Variants in TCERG1L observed in about 807,000 individuals in gnomAD.
The protein encoded by TCERG1L is transcription elongation regulator 1 like, also known as transcription elongation regulator 1-like protein.
TCERG1L carries 37 observed loss-of-function variants against 56.3 expected under a neutral mutation model. The observed-to-expected ratio is 0.66, with a 90% CI of 0.51 to 0.87. TCERG1L has a LOEUF of 0.87. TCERG1L is among the 40% of genes least tolerant of loss of function. The pLI is 0.00. For missense variants in TCERG1L, 799 were observed against 774.2 expected (o/e 1.03, Z -0.38); for synonymous variants, 324 against 326.3 (o/e 0.99, Z 0.08).
chr10:131,191,650 A>C (rs1845302577), intron 4 of TCERG1L, among the ~76,000 whole-genome samples: 1 of 142,462 alleles, frequency 7.0e-6, no homozygotes, highest in African/African-American at 2.7e-5. Context: ...GGCAAGCCAC[A>C]TGTAGAAGAA....
At chr10:131,123,735 A>AC (rs55875996) in intron 8 of TCERG1L, among the ~76,000 whole-genome samples, 3,446 of 152,200 alleles carry the variant, frequency 0.023, 103 homozygotes, top group East Asian at 0.1. Flanking sequence ...GAGTGCAGAG[A>AC]CAACTCTGGT....
intron 4 of TCERG1L, among the ~76,000 whole-genome samples, chr10:131,185,700 C>A (rs1240200144): frequency 6.6e-6 from 1 of 151,990 alleles, no homozygotes; most frequent in African/African-American, 2.4e-5. Context: ...ACATTAAACT[C>A]ACTAGAAAGG....
At chr10:131,237,084 C>T (rs978702211) in intron 4 of TCERG1L, among the ~76,000 whole-genome samples, 3 of 152,018 alleles carry the variant, frequency 2.0e-5, no homozygotes, top group African/African-American at 7.2e-5. Flanking sequence ...CATGCCCTGC[C>T]GCTGCCCCTC....
intron 9 of TCERG1L, among the ~76,000 whole-genome samples, chr10:131,108,001 C>T (rs1454844508): frequency 6.8e-6 from 1 of 147,888 alleles, no homozygotes; most frequent in Admixed American, 6.7e-5. Context: ...AGTACCACTA[C>T]CACCACCAAG....
At chr10:131,263,079 T>C (rs369607428) in intron 3 of TCERG1L, among the ~76,000 whole-genome samples, 2 of 152,174 alleles carry the variant, frequency 1.3e-5, no homozygotes, top group South Asian at 2.1e-4. Flanking sequence ...TTGGATTTTA[T>C]GGTAAGAGTG....
chr10:131,280,094 C>CCCAG (rs1166723113), intron 3 of TCERG1L, among the ~76,000 whole-genome samples: 3 of 152,174 alleles, frequency 2.0e-5, no homozygotes, highest in Admixed American at 6.5e-5. Flanking sequence ...GTGACATGTG[C>CCCAG]CCAGGGTGGT....
intron 10 of TCERG1L, among the ~76,000 whole-genome samples, chr10:131,099,420 T>C (rs1267950401): frequency 6.6e-6 from 1 of 152,168 alleles, no homozygotes; most frequent in Non-Finnish European, 1.5e-5. Flanking sequence ...TCAAGAACGT[T>C]AAAAATAAAC....
chr10:131,299,407 T>C (rs1006082366), intron 3 of TCERG1L, among the ~76,000 whole-genome samples: 1 of 151,634 alleles, frequency 6.6e-6, no homozygotes, highest in Non-Finnish European at 1.5e-5. Context: ...TATTATCATA[T>C]CATTTTAATC....
intron 3 of TCERG1L, among the ~76,000 whole-genome samples, chr10:131,305,434 A>C (rs1846810160): frequency 6.6e-6 from 1 of 152,030 alleles, no homozygotes; most frequent in Non-Finnish European, 1.5e-5. Flanking sequence ...ATCAACAGTA[A>C]GTGAGGGGTG....
intron 11 of TCERG1L, among the ~76,000 whole-genome samples, chr10:131,096,130 T>C (rs970968022): frequency 6.6e-6 from 1 of 152,182 alleles, no homozygotes; most frequent in Non-Finnish European, 1.5e-5. Flanking sequence ...TTCTGAGGTG[T>C]GTGTGGTCAT....
intron 3 of TCERG1L, among the ~76,000 whole-genome samples, chr10:131,276,983 A>G (rs901922327): frequency 6.6e-6 from 1 of 152,352 alleles, no homozygotes; most frequent in South Asian, 2.1e-4. Context: ...TTCTCATCAT[A>G]TGTAGCTGCT....
chr10:131,218,727 A>G, intron 4 of TCERG1L, among the ~76,000 whole-genome samples: 1 of 152,170 alleles, frequency 6.6e-6, no homozygotes, highest in Non-Finnish European at 1.5e-5. Context: ...ATCTCAAATC[A>G]TCTTCCCTTT....
chr10:131,234,987 C>A (rs1311385842), intron 4 of TCERG1L, among the ~76,000 whole-genome samples: 1 of 152,206 alleles, frequency 6.6e-6, no homozygotes, highest in Non-Finnish European at 1.5e-5. Context: ...CAGGCGTGAG[C>A]CACCGTGCTC....
chr10:131,288,671 A>G (rs537634883), intron 3 of TCERG1L, among the ~76,000 whole-genome samples: 2 of 152,320 alleles, frequency 1.3e-5, no homozygotes, highest in South Asian at 4.1e-4. Context: ...AGATGCTATC[A>G]TGCTGGATGA....
chr10:131,167,071 C>T (rs1182135412), intron 4 of TCERG1L, among the ~76,000 whole-genome samples, 186 bp from the exon 5 acceptor site: 3 of 152,206 alleles, frequency 2.0e-5, no homozygotes, highest in Non-Finnish European at 2.9e-5. Context: ...CATCCCAAAG[C>T]GAGGATGCAC....
chr10:131,189,332 C>G (rs1300480595), intron 4 of TCERG1L, among the ~76,000 whole-genome samples: 1 of 152,144 alleles, frequency 6.6e-6, no homozygotes, highest in Non-Finnish European at 1.5e-5. Flanking sequence ...CATCCCTCCC[C>G]ACTGCCTCAC....
chr10:131,236,025 A>G (rs146083860), intron 4 of TCERG1L, among the ~76,000 whole-genome samples: 1 of 152,338 alleles, frequency 6.6e-6, no homozygotes, highest in African/African-American at 2.4e-5. Flanking sequence ...ATGGAATTAC[A>G]TTACATTTAG....
chr10:131,209,569 G>C (rs894725644), intron 4 of TCERG1L, among the ~76,000 whole-genome samples: 3 of 152,138 alleles, frequency 2.0e-5, no homozygotes, highest in African/African-American at 7.2e-5. Context: ...TTAGATAAAT[G>C]CACTTATAAA....
At chr10:131,239,562 T>G (rs1359738876) in intron 4 of TCERG1L, among the ~76,000 whole-genome samples, 1 of 152,230 alleles carries the variant, frequency 6.6e-6, no homozygotes, top group African/African-American at 2.4e-5. Context: ...GGTGTGTGCT[T>G]GCAGGGACTC....
Sources: allele counts gnomAD v4.1 joint callset (sites outside exome capture counted in the v4.1 genomes callset), GRCh38; gene constraint gnomAD v4.1.1; transcripts MANE v1.5; gene names NCBI Gene and HGNC (gene_info 2026-07-23, HGNC 2026-07-21).